GRID2: variants seen among roughly 807,000 people sequenced by gnomAD.
The protein encoded by GRID2 is glutamate ionotropic receptor delta type subunit 2.
In GRID2, 33 loss-of-function variants were observed where a neutral mutation model predicts 114.8. That is an observed-to-expected ratio of 0.29 (90% CI 0.22 to 0.38). The LOEUF (loss-of-function observed/expected upper bound fraction) is 0.38, where lower values mean the gene tolerates loss of function less well. Ranked by LOEUF, GRID2 falls within the 10% of genes least tolerant of loss-of-function variation. The probability of loss-of-function intolerance (pLI) is 1.00; values close to 1 mark genes in which losing one functional copy is unlikely to be tolerated. For synonymous variants in GRID2, 505 were observed against 449.9 expected (o/e 1.12, Z -1.55); for missense variants, 1,184 against 1,257.7 (o/e 0.94, Z 0.89).
chr4:93,170,631 T>C (rs1277070364), intron 4 of GRID2, among the ~76,000 whole-genome samples: 2 of 152,214 alleles, frequency 1.3e-5, no homozygotes, highest in African/African-American at 2.4e-5. Context: ...CATCAAACTC[T>C]AATGTCAACC....
chr4:92,438,351 C>T (rs748289516), intron 1 of GRID2, among the ~76,000 whole-genome samples: 1 of 151,962 alleles, frequency 6.6e-6, no homozygotes, highest in South Asian at 2.1e-4. Flanking sequence ...AATCTCGGAG[C>T]ACATATACTC....
intron 1 of GRID2, among the ~76,000 whole-genome samples, chr4:92,360,249 G>T (rs567417228): frequency 8.6e-5 from 13 of 151,764 alleles, no homozygotes; most frequent in Non-Finnish European, 7.4e-5. Context: ...ACTATTCCAA[G>T]ACAACTTGTT....
chr4:92,399,578 A>G (rs1467851682), intron 1 of GRID2, among the ~76,000 whole-genome samples: 2 of 151,938 alleles, frequency 1.3e-5, no homozygotes, highest in African/African-American at 2.4e-5. Flanking sequence ...AAGATACACA[A>G]TTAAGACCCT....
chr4:93,286,728 C>A lies in GRID2; in HGVS notation c.1245+48238C>A, dbSNP rs1049207536. ...GTGTGTGTGTGTGTGTGTATGTTCCCACATTAGTTGTGGAATTTATCTTAA... is the reference window on the plus strand; with the variant it reads ...GTGTGTGTGTGTGTGTGTATGTTCCAACATTAGTTGTGGAATTTATCTTAA... On this transcript the variant is annotated intron_variant, in intron 8 of 15. Transcript: ENST00000282020. 1.3e-4 allele frequency among the ~76,000 whole-genome samples: 18 copies of A among 140,578 alleles called. No homozygotes were observed. In the East Asian group the frequency reaches 3.5e-3, roughly 27 times the overall value. 92.2% of individuals were successfully genotyped at this position (140,578 alleles called of 152,430 possible). A position where few individuals can be genotyped will look rare whatever the true frequency, so the allele number is the denominator to read the frequency against.
At chr4:93,242,288 G>A in intron 8 of GRID2, among the ~76,000 whole-genome samples, 1 of 151,252 alleles carries the variant, frequency 6.6e-6, no homozygotes, top group East Asian at 2.0e-4. Flanking sequence ...CAAGAGAGGT[G>A]ACTAGGGAAT....
intron 2 of GRID2, among the ~76,000 whole-genome samples, chr4:93,048,244 G>C (rs757808630): frequency 3.9e-5 from 6 of 152,018 alleles, no homozygotes; most frequent in African/African-American, 9.7e-5. Flanking sequence ...AATTTTTGGC[G>C]CATACAGGAA....
chr4:93,598,191 C>A (rs552386097), intron 13 of GRID2, among the ~76,000 whole-genome samples: 7 of 152,100 alleles, frequency 4.6e-5, no homozygotes, highest in Admixed American at 1.3e-4. Flanking sequence ...CACACCCGGG[C>A]GGTCTGACTC....
chr4:93,778,016 A>G (rs544166504), downstream of GRID2, among the ~76,000 whole-genome samples: 2 of 152,292 alleles, frequency 1.3e-5, no homozygotes, highest in East Asian at 3.9e-4. Flanking sequence ...AACTTCCTGA[A>G]TTTGAAAAAT....
chr4:92,917,939 G>A (rs974510766), intron 2 of GRID2, among the ~76,000 whole-genome samples: 34 of 152,198 alleles, frequency 2.2e-4, no homozygotes, highest in African/African-American at 7.7e-4. Context: ...AATTACCTTG[G>A]GCAGTATGGC....
chr4:93,404,248 A>G (rs947996613), intron 9 of GRID2, among the ~76,000 whole-genome samples: 2 of 152,132 alleles, frequency 1.3e-5, no homozygotes, highest in African/African-American at 2.4e-5. Flanking sequence ...AGATTGGCAG[A>G]TGACAGCTAA....
chr4:93,719,382 G>C (rs1294859113), intron 14 of GRID2, among the ~76,000 whole-genome samples: 2 of 151,828 alleles, frequency 1.3e-5, no homozygotes, highest in African/African-American at 4.8e-5. Flanking sequence ...GACAATGGTA[G>C]ATTTTATTTC....
intron 14 of GRID2, among the ~76,000 whole-genome samples, chr4:93,762,705 G>C (rs143922514): frequency 3.0e-4 from 45 of 152,262 alleles, no homozygotes; most frequent in African/African-American, 1.0e-3. Flanking sequence ...GGCACACCAG[G>C]CTCTTTAACA....
intron 2 of GRID2, among the ~76,000 whole-genome samples, chr4:92,757,520 G>A (rs915391014): frequency 4.9e-4 from 75 of 152,140 alleles, no homozygotes. Context: ...TCATATGTAT[G>A]TACAAATTTG....
intron 2 of GRID2, among the ~76,000 whole-genome samples, chr4:92,692,335 A>G (rs894490240): frequency 2.6e-5 from 4 of 152,212 alleles, no homozygotes; most frequent in African/African-American, 4.8e-5. Context: ...TTATCAAAAA[A>G]TTAGGCATTA....
Position 93,170,383 on chromosome 4 carries a change from C to G in GRID2, c.736-37021C>G, listed in dbSNP as rs974310509. ...ACAGGCATGAACCACTGTGCTGGGC[C>G]CCCCCCTTTTTTAATTGTAATAAAC... On this transcript the variant is annotated intron_variant, in intron 4 of 15. Coordinates refer to ENST00000282020, the MANE Select transcript of GRID2 (RefSeq NM_001510.4). Among the ~76,000 whole-genome samples the G allele has an allele frequency of 3.3e-5, 5 of 151,946 alleles. No homozygotes were observed. In the South Asian group the frequency reaches 6.2e-4, roughly 19 times the overall value.
At chr4:92,597,432 T>C (rs1729007914) in intron 2 of GRID2, among the ~76,000 whole-genome samples, 1 of 152,154 alleles carries the variant, frequency 6.6e-6, no homozygotes, top group African/African-American at 2.4e-5. Flanking sequence ...TACATCATAA[T>C]TTTATAGCCT....
At chr4:93,144,326 T>G (rs1193108030) in intron 4 of GRID2, among the ~76,000 whole-genome samples, 1 of 152,218 alleles carries the variant, frequency 6.6e-6, no homozygotes, top group Non-Finnish European at 1.5e-5. Flanking sequence ...TTATGTGTTG[T>G]GATTATTTTT....
At chr4:93,505,216 C>T (rs904654926) in intron 12 of GRID2, among the ~76,000 whole-genome samples, 1 of 152,002 alleles carries the variant, frequency 6.6e-6, no homozygotes, top group Admixed American at 6.6e-5. Context: ...TTTTTGTTAA[C>T]ACCATTTAAA....
At chr4:93,801,349 T>A (rs1734923475) in intron 1 of GRID2, among the ~76,000 whole-genome samples, 1 of 152,104 alleles carries the variant, frequency 6.6e-6, no homozygotes, top group Non-Finnish European at 1.5e-5. Context: ...GGTGAATAAG[T>A]TTGTGTATGT....
Sources: gnomAD v4.1 joint callset for allele counts (sites outside exome capture counted in the v4.1 genomes callset) on GRCh38, gnomAD v4.1.1 for gene constraint, MANE v1.5 for transcripts, NCBI Gene and HGNC (gene_info 2026-07-23, HGNC 2026-07-21) for gene names.